PTPRD: variants seen among roughly 807,000 people sequenced by gnomAD.
PTPRD encodes the protein receptor-type tyrosine-protein phosphatase delta.
A neutral mutation model predicts 214.5 loss-of-function variants in PTPRD; 34 were observed. The observed-to-expected ratio is 0.16, with a 90% CI of 0.12 to 0.21. PTPRD has a LOEUF of 0.21. PTPRD is among the 10% of genes least tolerant of loss of function. The pLI, the probability that PTPRD is intolerant of heterozygous loss-of-function variation, is 1.00. For missense variants in PTPRD, 2,545 were observed against 2,398.7 expected (o/e 1.06, Z -1.27); for synonymous variants, 1,128 against 845.7 (o/e 1.33, Z -5.79).
chr9:9,084,040 A>G (rs2099763135), intron 10 of PTPRD, among the ~76,000 whole-genome samples: 1 of 152,192 alleles, frequency 6.6e-6, no homozygotes, highest in South Asian at 2.1e-4. Flanking sequence ...TGACCCAGCA[A>G]TCCCATTTCT....
chr9:9,571,926 G>T (rs1004388209), intron 8 of PTPRD, among the ~76,000 whole-genome samples: 1 of 150,948 alleles, frequency 6.6e-6, no homozygotes, highest in African/African-American at 2.4e-5. Context: ...TGTAACACCT[G>T]GAGTCCATTA....
chr9:9,516,455 T>G (rs1394187515), intron 8 of PTPRD, among the ~76,000 whole-genome samples: 1 of 151,544 alleles, frequency 6.6e-6, no homozygotes, highest in African/African-American at 2.4e-5. Flanking sequence ...GCCAACTTCA[T>G]GAGGAATATC....
At chr9:8,975,747 G>T (rs1474712169) in intron 11 of PTPRD, among the ~76,000 whole-genome samples, 1 of 150,906 alleles carries the variant, frequency 6.6e-6, no homozygotes, top group African/African-American at 2.4e-5. Context: ...CATATTTCCT[G>T]CAGAAAAGAT....
Position 9,883,722 on chromosome 9 carries a change from C to A in PTPRD, c.-368+54785G>T, listed in dbSNP as rs563968740. 1.0e-3 allele frequency among the ~76,000 whole-genome samples: 152 copies of A among 152,214 alleles called. 1 individual carries two copies. The highest frequency in any genetic ancestry group is 3.3e-3 in the African/African-American group (138 of 41,554). ...TAACCTCTTAGCCAGCTTTTATTAC[C>A]AGTATTAAAATAGACATATTTATCA... On this transcript the variant is annotated intron_variant, in intron 5 of 45. Transcript: ENST00000381196.
At chr9:8,795,057 C>T (rs576510168) in intron 11 of PTPRD, among the ~76,000 whole-genome samples, 11 of 152,236 alleles carry the variant, frequency 7.2e-5, no homozygotes, top group African/African-American at 2.2e-4. Flanking sequence ...AAAAATGGAA[C>T]CTTTTCAAAT....
chr9:9,842,619 G>A (rs1043788382), intron 5 of PTPRD, among the ~76,000 whole-genome samples: 27 of 151,236 alleles, frequency 1.8e-4, no homozygotes, highest in African/African-American at 6.1e-4. Flanking sequence ...GAAGAAAACT[G>A]TCCTTTAAGT....
intron 6 of PTPRD, among the ~76,000 whole-genome samples, chr9:9,752,023 T>G (rs1322657205): frequency 6.6e-6 from 1 of 152,114 alleles, no homozygotes; most frequent in Non-Finnish European, 1.5e-5. Flanking sequence ...TTCATTTCTA[T>G]TTTTAGGAAT....
At chr9:9,959,198 T>C (rs561354231) in intron 4 of PTPRD, among the ~76,000 whole-genome samples, 3 of 152,142 alleles carry the variant, frequency 2.0e-5, no homozygotes, top group African/African-American at 2.4e-5. Flanking sequence ...GCCACAGTAA[T>C]CTTAAATGCA....
chr9:9,556,784 G>C (rs539995935), intron 8 of PTPRD, among the ~76,000 whole-genome samples: 126 of 152,264 alleles, frequency 8.3e-4, no homozygotes, highest in African/African-American at 2.9e-3. Context: ...TGAGAGCTCT[G>C]TGGTTCAAAA....
intron 5 of PTPRD, among the ~76,000 whole-genome samples, chr9:9,842,820 T>C (rs2058656916): frequency 6.6e-6 from 1 of 152,044 alleles, no homozygotes; most frequent in African/African-American, 2.4e-5. Flanking sequence ...ACGTATTTTA[T>C]TTGATCTTCA....
intron 10 of PTPRD, among the ~76,000 whole-genome samples, chr9:9,024,721 T>C (rs2099581486): frequency 6.6e-6 from 1 of 151,970 alleles, no homozygotes; most frequent in African/African-American, 2.4e-5. Flanking sequence ...GTTTCTGAAA[T>C]GCTCCTTCAT....
intron 8 of PTPRD, among the ~76,000 whole-genome samples, chr9:9,430,585 G>A (rs938040415): frequency 6.6e-5 from 10 of 152,112 alleles, no homozygotes; most frequent in East Asian, 3.9e-4. Context: ...AAAAGAGCCC[G>A]CATTGCCAAG....
intron 3 of PTPRD, among the ~76,000 whole-genome samples, chr9:10,110,536 G>C (rs1332509219): frequency 1.3e-5 from 2 of 152,182 alleles, no homozygotes; most frequent in Admixed American, 1.3e-4. Context: ...AAGAAAATGA[G>C]ATGAGAAAGG....
intron 3 of PTPRD, among the ~76,000 whole-genome samples, chr9:10,156,323 T>C (rs1205129902): frequency 1.3e-5 from 2 of 152,156 alleles, no homozygotes; most frequent in Non-Finnish European, 2.9e-5. Flanking sequence ...CCAGAGATTC[T>C]GGTGTGTTGT....
intron 3 of PTPRD, among the ~76,000 whole-genome samples, chr9:10,308,619 A>C (rs192273219): frequency 1.3e-5 from 2 of 152,190 alleles, no homozygotes; most frequent in Admixed American, 6.6e-5. Context: ...ATTTTGATAC[A>C]GTTTGCATTG....
chr9:9,696,344 G>C (rs2097373377), intron 7 of PTPRD, among the ~76,000 whole-genome samples: 1 of 152,084 alleles, frequency 6.6e-6, no homozygotes, highest in African/African-American at 2.4e-5. Flanking sequence ...ATTTATCTCT[G>C]ATGTTTCTTC....
intron 9 of PTPRD, among the ~76,000 whole-genome samples, chr9:9,199,792 ATATAAAT>A (rs2099940792): frequency 8.1e-6 from 1 of 124,152 alleles, no homozygotes; most frequent in South Asian, 2.6e-4. Flanking sequence ...AGTAATTTAT[ATATAAAT>A]TATAAACATC....
At chr9:10,362,178 C>T (rs980786983) in intron 2 of PTPRD, among the ~76,000 whole-genome samples, 1 of 152,202 alleles carries the variant, frequency 6.6e-6, no homozygotes, top group African/African-American at 2.4e-5. Context: ...AACAATCATA[C>T]TCAGAAAAGA....
At chr9:8,857,200 G>T (rs1239921138) in intron 11 of PTPRD, among the ~76,000 whole-genome samples, 5 of 152,044 alleles carry the variant, frequency 3.3e-5, no homozygotes, top group Non-Finnish European at 1.5e-5. Context: ...GAAAGAAAAA[G>T]AAATCGCCCC....
Sources: allele counts gnomAD v4.1 joint callset (sites outside exome capture counted in the v4.1 genomes callset), GRCh38; gene constraint gnomAD v4.1.1; transcripts MANE v1.5; gene names NCBI Gene and HGNC (gene_info 2026-07-23, HGNC 2026-07-21).